The following ADAMTSL1 variants were observed in gnomAD, a reference collection of about 807,000 sequenced individuals.
The protein encoded by ADAMTSL1 is ADAMTS like 1.
A neutral mutation model predicts 201.8 loss-of-function variants in ADAMTSL1; 126 were observed. The observed-to-expected ratio is 0.62, with a 90% CI of 0.54 to 0.72. The LOEUF (loss-of-function observed/expected upper bound fraction) is 0.72. ADAMTSL1 is among the 30% of genes least tolerant of loss of function. The pLI, the probability that ADAMTSL1 is intolerant of heterozygous loss-of-function variation, is 0.00. For missense variants in ADAMTSL1, 2,679 were observed against 2,277.8 expected (o/e 1.18, Z -3.59); for synonymous variants, 1,121 against 903.4 (o/e 1.24, Z -4.32).
At chr9:18,197,180 G>A (rs535046215) in intron 2 of ADAMTSL1, among the ~76,000 whole-genome samples, 4 of 152,118 alleles carry the variant, frequency 2.6e-5, no homozygotes, top group African/African-American at 7.2e-5. Context: ...TTAAAAGTAC[G>A]GCTTCTTTAA....
chr9:18,402,033 C>G (rs142902922), intron 2 of ADAMTSL1, among the ~76,000 whole-genome samples: 2 of 152,118 alleles, frequency 1.3e-5, no homozygotes, highest in African/African-American at 4.8e-5. Context: ...TGGTGATAGG[C>G]GAACTTTATT....
intron 2 of ADAMTSL1, among the ~76,000 whole-genome samples, chr9:18,326,798 G>A (rs1188654143): frequency 6.6e-6 from 1 of 152,100 alleles, no homozygotes; most frequent in Non-Finnish European, 1.5e-5. Context: ...GTATTTCTCA[G>A]AATGCATTTT....
intron 2 of ADAMTSL1, among the ~76,000 whole-genome samples, chr9:18,409,523 C>A (rs1178161687): frequency 1.3e-5 from 2 of 151,488 alleles, no homozygotes; most frequent in Admixed American, 6.6e-5. Flanking sequence ...GCCATGCAGT[C>A]ATTAAAAATT....
chr9:18,048,342 A>G (rs116622268), intron 1 of ADAMTSL1, among the ~76,000 whole-genome samples: 2 of 152,334 alleles, frequency 1.3e-5, no homozygotes, highest in East Asian at 3.9e-4. Context: ...TTAACAAAAA[A>G]CAGGTGAAAT....
At chr9:18,099,326 A>AAAATATATATATATATATAT (rs1824387898) in intron 1 of ADAMTSL1, among the ~76,000 whole-genome samples, 1 of 57,602 alleles carries the variant, frequency 1.7e-5, no homozygotes, top group African/African-American at 8.1e-5. Flanking sequence ...GCAAATGGAA[A>AAAATATATATATATATATAT]ATATATATAT....
intron 3 of ADAMTSL1, among the ~76,000 whole-genome samples, chr9:18,536,044 T>A (rs953322160): frequency 6.6e-6 from 1 of 152,170 alleles, no homozygotes; most frequent in Non-Finnish European, 1.5e-5. Flanking sequence ...TGATGCTGAA[T>A]TTTTTTAATG....
At chr9:18,679,128 C>G (rs779099122) in intron 10 of ADAMTSL1, among the ~76,000 whole-genome samples, 16 of 152,242 alleles carry the variant, frequency 1.1e-4, no homozygotes, top group Admixed American at 2.0e-4. Context: ...ATGATTCAGG[C>G]TCATGCAGAA....
intron 2 of ADAMTSL1, among the ~76,000 whole-genome samples, chr9:18,343,744 A>G (rs1263634801): frequency 2.0e-5 from 3 of 152,150 alleles, no homozygotes; most frequent in Non-Finnish European, 4.4e-5. Flanking sequence ...AATTTGTCTT[A>G]GAGGATGTAA....
chr9:18,795,738 G>T (rs1229388750), intron 20 of ADAMTSL1, among the ~76,000 whole-genome samples: 1 of 152,186 alleles, frequency 6.6e-6, no homozygotes, highest in African/African-American at 2.4e-5. Flanking sequence ...GTACATTCCT[G>T]CCAGGAGGTC....
At chr9:18,213,570 A>T (rs1352060254) in intron 2 of ADAMTSL1, among the ~76,000 whole-genome samples, 1 of 152,186 alleles carries the variant, frequency 6.6e-6, no homozygotes, top group African/African-American at 2.4e-5. Context: ...GTTTTCTGTT[A>T]CTTCATAACT....
intron 1 of ADAMTSL1, among the ~76,000 whole-genome samples, chr9:17,998,193 A>T (rs1819460857): frequency 6.6e-6 from 1 of 152,084 alleles, no homozygotes; most frequent in African/African-American, 2.4e-5. Flanking sequence ...ATATACAAAC[A>T]TATGTGCACA....
At chr9:18,600,249 G>A (rs928422220) in intron 4 of ADAMTSL1, among the ~76,000 whole-genome samples, 2 of 152,028 alleles carry the variant, frequency 1.3e-5, no homozygotes, top group African/African-American at 4.8e-5. Context: ...GTAATGATAA[G>A]AATAGAAAAA....
chr9:18,386,380 C>G (rs561193797), intron 2 of ADAMTSL1, among the ~76,000 whole-genome samples: 2 of 152,084 alleles, frequency 1.3e-5, no homozygotes, highest in African/African-American at 4.8e-5. Context: ...ATTACTGGAG[C>G]CAGTGTAATT....
At chr9:18,850,697 A>T (rs765876442) in intron 23 of ADAMTSL1, among the ~76,000 whole-genome samples, 1 of 152,238 alleles carries the variant, frequency 6.6e-6, no homozygotes, top group Non-Finnish European at 1.5e-5. Flanking sequence ...CTTAGGGACC[A>T]GGTCCTGGAA....
chr9:18,558,579 C>T (rs766919923), intron 3 of ADAMTSL1, among the ~76,000 whole-genome samples: 6 of 152,118 alleles, frequency 3.9e-5, no homozygotes, highest in South Asian at 4.1e-4. Flanking sequence ...CCTGAGGAAT[C>T]GCCACACTGT....
chr9:18,347,979 A>C (rs1005222636), intron 2 of ADAMTSL1, among the ~76,000 whole-genome samples: 3 of 152,178 alleles, frequency 2.0e-5, no homozygotes, highest in Admixed American at 2.0e-4. Flanking sequence ...GAATTTGGTT[A>C]AAGGGAAGAA....
chr9:18,287,537 A>G (rs1833045130), intron 2 of ADAMTSL1, among the ~76,000 whole-genome samples: 1 of 151,380 alleles, frequency 6.6e-6, no homozygotes, highest in Admixed American at 6.6e-5. Flanking sequence ...ATATATGTAA[A>G]ATACATATAC....
chr9:18,702,942 T>A (rs1832006523), intron 13 of ADAMTSL1, among the ~76,000 whole-genome samples: 1 of 152,036 alleles, frequency 6.6e-6, no homozygotes, highest in Admixed American at 6.6e-5. Context: ...TTTGTATCTT[T>A]ATAGAGACAG....
At chr9:18,342,460 A>G (rs775278238) in intron 2 of ADAMTSL1, among the ~76,000 whole-genome samples, 30 of 152,096 alleles carry the variant, frequency 2.0e-4, no homozygotes, top group Non-Finnish European at 2.8e-4. Flanking sequence ...AGGAGGGTCC[A>G]CTCGTTTAGG....
Sources: gnomAD v4.1 joint callset for allele counts (sites outside exome capture counted in the v4.1 genomes callset) on GRCh38, gnomAD v4.1.1 for gene constraint, MANE v1.5 for transcripts, NCBI Gene and HGNC (gene_info 2026-07-23, HGNC 2026-07-21) for gene names.